Variants in SEPTIN11 observed in about 807,000 individuals in gnomAD.
The protein encoded by SEPTIN11 is septin 11, also known as septin-11.
In SEPTIN11, 25 loss-of-function variants were observed where a neutral mutation model predicts 51.4. That is an observed-to-expected ratio of 0.49 (90% CI 0.35 to 0.68). The LOEUF is 0.68. Among genes scored for constraint, SEPTIN11 ranks in the 30% least tolerant of loss-of-function variants. The pLI is 0.00. For synonymous variants in SEPTIN11, 174 were observed against 184.1 expected (o/e 0.95, Z 0.44); for missense variants, 381 against 520.8 (o/e 0.73, Z 2.61).
intron 1 of SEPTIN11, among the ~76,000 whole-genome samples, chr4:76,961,594 G>T (rs1721827081): frequency 6.6e-6 from 1 of 152,146 alleles, no homozygotes; most frequent in South Asian, 2.1e-4. Context: ...CCTTAAATAT[G>T]CTTAGAACAC....
intron 1 of SEPTIN11, among the ~76,000 whole-genome samples, chr4:76,994,406 T>C (rs1007330415): frequency 1.3e-5 from 2 of 152,242 alleles, no homozygotes; most frequent in Non-Finnish European, 2.9e-5. Flanking sequence ...AGTACAGTAT[T>C]GTTGGAAGGC....
chr4:77,036,176 A>C lies in SEPTIN11; in HGVS notation c.*1664A>C. The C allele has an allele frequency of 1.0e-6, 1 of 987,468 alleles. No individual in the cohort carries two copies. Among genetic ancestry groups the C allele is most frequent in the Non-Finnish European group, 1.2e-6 (1 of 831,310 alleles). The allele number at this position is 987,468 out of a possible 1,614,324, so 61.2% of individuals were successfully genotyped here. On this transcript the variant is annotated 3_prime_UTR_variant, in exon 10 of 10. Coordinates refer to ENST00000264893, the MANE Select transcript of SEPTIN11 (RefSeq NM_018243.4). Reference sequence around the variant, plus strand: ...AAAGTAAGGAAATTAGTTTCATGGAAGCCTAAACAAAGCTGGAATAGAAAC... The same window carrying C: ...AAAGTAAGGAAATTAGTTTCATGGACGCCTAAACAAAGCTGGAATAGAAAC...
chr4:77,008,541 G>A (rs1312618850), intron 3 of SEPTIN11, among the ~76,000 whole-genome samples: 2 of 152,210 alleles, frequency 1.3e-5, no homozygotes. Flanking sequence ...GTATTTGGTC[G>A]TATATGAAGT....
intron 1 of SEPTIN11, among the ~76,000 whole-genome samples, chr4:76,951,360 C>G (rs556345556): frequency 1.3e-5 from 2 of 152,184 alleles, no homozygotes; most frequent in Non-Finnish European, 2.9e-5. Context: ...GATTTAATGA[C>G]ATGGCTCTTT....
chr4:77,014,144 G>A lies in SEPTIN11; in HGVS notation c.526-712G>A, dbSNP rs182453194. On this transcript the variant is annotated intron_variant, in intron 4 of 9. Coordinates refer to ENST00000264893, the MANE Select transcript of SEPTIN11 (RefSeq NM_018243.4). ...TGTGAAAGTGAGCCTTGCCTTTGGC[G>A]CTCGATTTTATTCTGGCATGAAGGA... Among the ~76,000 whole-genome samples, 26 of 152,206 alleles carry A rather than the reference G, an allele frequency of 1.7e-4. No individual in the cohort carries two copies. The East Asian group carries it at 4.1e-3, about 24-fold the overall frequency.
intron 5 of SEPTIN11, among the ~76,000 whole-genome samples, chr4:77,015,687 C>G (rs538403086): frequency 6.6e-6 from 1 of 152,302 alleles, no homozygotes; most frequent in South Asian, 2.1e-4. Flanking sequence ...TGCATAACAT[C>G]CATGAAAGCC....
rs1721677385 is a variant in SEPTIN11 at position 76,958,827 on chromosome 4, A to G, written c.27+8897A>G. On this transcript the variant is annotated intron_variant, in intron 1 of 9. Transcript: ENST00000264893. ...AAAAAAAATAAGTTTTAAATAGTCA[A>G]TGGCTGGTTATATTTTCAGAAAACA... 18 of 1,384,496 alleles carry G rather than the reference A, an allele frequency of 1.3e-5. No individual in the cohort carries two copies. The South Asian group carries it at 2.0e-4, about 15-fold the overall frequency. The allele number at this position is 1,384,496 out of a possible 1,614,324, so 85.8% of individuals were successfully genotyped here. A position where few individuals can be genotyped will look rare whatever the true frequency, so the allele number is the denominator to read the frequency against.
chr4:76,968,441 C>T (rs1162023784), intron 1 of SEPTIN11, among the ~76,000 whole-genome samples: 1 of 152,148 alleles, frequency 6.6e-6, no homozygotes, highest in East Asian at 1.9e-4. Flanking sequence ...TTTCGGTCTT[C>T]CTGCCTATAC....
rs182467815 is a variant in SEPTIN11, at chr4:77,034,601, T to C, written c.*89T>C. ...ATGTGTGTTCTTTAGTTTTATTTTA[T>C]TTTATTTTATTTTTTTACCCTTCCT... On this transcript the variant is annotated 3_prime_UTR_variant, in exon 10 of 10. Coordinates refer to ENST00000264893, the MANE Select transcript of SEPTIN11 (RefSeq NM_018243.4). The C allele has an allele frequency of 2.6e-4, 372 of 1,407,154 alleles. 4 individuals carry two copies. The East Asian group carries it at 8.0e-3, about 30-fold the overall frequency. 87.2% of individuals were successfully genotyped at this position (1,407,154 alleles called of 1,614,324 possible). A position where few individuals can be genotyped will look rare whatever the true frequency, so the allele number is the denominator to read the frequency against.
chr4:77,030,460 C>T (rs1399076915), intron 8 of SEPTIN11, among the ~76,000 whole-genome samples: 1 of 152,022 alleles, frequency 6.6e-6, no homozygotes. Context: ...TGCAGTGGTA[C>T]GATCTCAGCT....
chr4:76,959,235 G>A (rs1361255341), intron 1 of SEPTIN11: 7 of 189,950 alleles, frequency 3.7e-5, no homozygotes, highest in African/African-American at 1.7e-4. Context: ...GCACTGGACT[G>A]AGCTTGGACA....
intron 9 of SEPTIN11, 173 bp downstream of exon 9, chr4:77,031,143 G>A (rs1449043085): frequency 1.6e-6 from 1 of 617,650 alleles, no homozygotes; most frequent in Non-Finnish European, 2.7e-6. Flanking sequence ...TTTTTAAAAG[G>A]TACACAAAGA....
Position 77,035,615 on chromosome 4 carries a change from T to G in SEPTIN11, c.*1103T>G. 1.0e-6 allele frequency: 1 copy of G among 985,456 alleles called. No individual in the cohort carries two copies. The highest frequency in any genetic ancestry group is 1.2e-6 in the Non-Finnish European group (1 of 829,936). 61.0% of individuals were successfully genotyped at this position (985,456 alleles called of 1,614,324 possible). ...ACATTTCATATCCAGCTTCCTTGCT[T>G]AGTCTCCTTTCAGTATTTGGCAATA... On this transcript the variant is annotated 3_prime_UTR_variant, in exon 10 of 10. Transcript: ENST00000264893.
intron 8 of SEPTIN11, among the ~76,000 whole-genome samples, chr4:77,029,656 C>A (rs1726452389): frequency 6.6e-6 from 1 of 151,858 alleles, no homozygotes; most frequent in East Asian, 1.9e-4. Context: ...TTTTCTTTTT[C>A]ATTTTCTTTC....
chr4:77,038,113 C>T lies in SEPTIN11; in HGVS notation c.*3601C>T, dbSNP rs1206761239. ...GCCATTTGCAAGAGTCTGGAATTGT[C>T]AGGTCTCAGCTTCGAAAAGTCCTGG... On this transcript the variant is annotated 3_prime_UTR_variant, in exon 10 of 10. Coordinates refer to ENST00000264893, the MANE Select transcript of SEPTIN11 (RefSeq NM_018243.4). 1.0e-6 allele frequency: 1 copy of T among 985,776 alleles called. No individual in the cohort carries two copies. Among genetic ancestry groups the T allele is most frequent in the Non-Finnish European group, 1.2e-6 (1 of 829,964 alleles). The allele number at this position is 985,776 out of a possible 1,614,324, so 61.1% of individuals were successfully genotyped here.
At chr4:76,962,650 A>G (rs1019002329) in intron 1 of SEPTIN11, among the ~76,000 whole-genome samples, 1 of 152,184 alleles carries the variant, frequency 6.6e-6, no homozygotes, top group African/African-American at 2.4e-5. Context: ...TTTTTTCCTG[A>G]TACTAGCTTT....
intron 6 of SEPTIN11, among the ~76,000 whole-genome samples, chr4:77,019,549 C>T (rs1342770244): frequency 1.3e-5 from 2 of 152,186 alleles, no homozygotes; most frequent in African/African-American, 4.8e-5. Flanking sequence ...TAGTTCTTCC[C>T]TAGGAGTTGG....
intron 2 of SEPTIN11, among the ~76,000 whole-genome samples, chr4:77,002,880 G>A (rs898259141): frequency 8.5e-5 from 13 of 152,056 alleles, no homozygotes; most frequent in Non-Finnish European, 2.9e-5. Context: ...TTACAAACGT[G>A]CAAACAGTGT....
chr4:77,030,895 C>T lies in SEPTIN11; in HGVS notation c.1199C>T (p.Ala400Val), dbSNP rs1193959141. Reference sequence around the variant, plus strand: ...GTGAACAACTTCCAGAAGAAGAAAGCAGCGGCTCAGTTACTACAGTCCCAG... The same window carrying T: ...GTGAACAACTTCCAGAAGAAGAAAGTAGCGGCTCAGTTACTACAGTCCCAG... ...EEVNNFQKKKAAAQLLQSQAQ... is the reference protein window; with the variant it reads ...EEVNNFQKKKVAAQLLQSQAQ... Residue 400 changes from alanine to valine, a missense_variant, in exon 9 of 10, where the codon GCA (alanine) becomes GTA (valine). Ala to Val is a moderately conservative substitution (Grantham distance 64). This residue lies in a region of SEPTIN11 where 197 missense variants were observed against 313.1 expected (regional missense o/e 0.63). Transcript: ENST00000264893. The T allele has an allele frequency of 1.2e-6, 2 of 1,613,598 alleles. No individual in the cohort carries two copies. The highest frequency in any genetic ancestry group is 1.7e-6 in the Non-Finnish European group (2 of 1,179,904).
Sources: gnomAD v4.1 joint callset for allele counts (sites outside exome capture counted in the v4.1 genomes callset) on GRCh38, gnomAD v4.1.1 for gene constraint, gnomAD v4.1.1 regional missense constraint, MANE v1.5 for transcripts, NCBI Gene and HGNC (gene_info 2026-07-23, HGNC 2026-07-21) for gene names.